The following MOB1B variants were observed in gnomAD, a reference collection of about 807,000 sequenced individuals.
MOB1B encodes the protein MOB1 Mps One Binder homolog B.
A neutral mutation model predicts 24.4 loss-of-function variants in MOB1B; 19 were observed. The observed-to-expected ratio is 0.78, with a 90% CI of 0.54 to 1.14. The LOEUF is 1.14. Among genes scored for constraint, MOB1B ranks in the 50% most tolerant of loss-of-function variants. MOB1B has a pLI of 0.00. For missense variants in MOB1B, 243 were observed against 259.6 expected (o/e 0.94, Z 0.44); for synonymous variants, 76 against 82.1 (o/e 0.93, Z 0.40).
chr4:70,987,013 A>C lies in MOB1B; in HGVS notation c.*4956A>C, dbSNP rs1246989835. On this transcript the variant is annotated 3_prime_UTR_variant, in exon 6 of 6. Coordinates refer to ENST00000309395, the MANE Select transcript of MOB1B (RefSeq NM_173468.4). Reference sequence around the variant, plus strand: ...GCATATAGAACTAAATAATTGAAAAATATGGGCTATAGTTCTCAAAGGTAG... The same window carrying C: ...GCATATAGAACTAAATAATTGAAAACTATGGGCTATAGTTCTCAAAGGTAG... 1 of 152,188 alleles carries C rather than the reference A, an allele frequency of 6.6e-6. No individual in the cohort carries two copies. The highest frequency in any genetic ancestry group is 1.5e-5 in the Non-Finnish European group (1 of 67,984). The allele number at this position is 152,188 out of a possible 1,614,324, so 9.4% of individuals were successfully genotyped here.
At position 70,965,872 on chromosome 4, in the gene MOB1B, T is replaced by C. The variant is rs377743643; in HGVS notation, c.182-4059T>C. 8.2e-4 allele frequency among the ~76,000 whole-genome samples: 123 copies of C among 150,916 alleles called. 1 individual carries two copies. The South Asian group carries it at 0.025, about 31-fold the overall frequency. ...AAGTTATAAATTTATCCCAATAAAT[T>C]TGAAAATTTAATTGAAATAACCTAA... is the stretch of plus-strand genomic sequence containing the variant. On this transcript the variant is annotated intron_variant, in intron 2 of 5. Coordinates refer to ENST00000309395, the MANE Select transcript of MOB1B (RefSeq NM_173468.4).
chr4:70,905,083 G>A (rs1399564074), intron 1 of MOB1B, among the ~76,000 whole-genome samples: 1 of 152,112 alleles, frequency 6.6e-6, no homozygotes, highest in African/African-American at 2.4e-5. Context: ...TTGACAATCA[G>A]AAAAGTTAAT....
At chr4:70,915,147 T>C (rs893692264) in intron 1 of MOB1B, among the ~76,000 whole-genome samples, 2 of 152,254 alleles carry the variant, frequency 1.3e-5, no homozygotes, top group Non-Finnish European at 2.9e-5. Context: ...TTATTTAAAT[T>C]GTAGCCAATT....
chr4:70,917,227 G>C (rs1229114234), intron 1 of MOB1B, among the ~76,000 whole-genome samples: 5 of 152,070 alleles, frequency 3.3e-5, no homozygotes, highest in African/African-American at 1.2e-4. Context: ...GTACCATTAA[G>C]GTTTCTTACC....
intron 1 of MOB1B, 86 bp downstream of exon 1, chr4:70,902,636 G>T: frequency 8.6e-7 from 1 of 1,162,862 alleles, no homozygotes; most frequent in Non-Finnish European, 1.1e-6. Context: ...GCCCGCCCTC[G>T]TCCCGACCCT....
intron 1 of MOB1B, among the ~76,000 whole-genome samples, chr4:70,938,983 G>T (rs982166240): frequency 6.6e-6 from 1 of 152,114 alleles, no homozygotes. Context: ...ACTGAGCCTG[G>T]CCCCTTGCAG....
At chr4:70,980,166 C>T (rs1242963144) in intron 5 of MOB1B, among the ~76,000 whole-genome samples, 1 of 152,180 alleles carries the variant, frequency 6.6e-6, no homozygotes, top group Admixed American at 6.5e-5. Context: ...GTACACACTC[C>T]TCACACTGAA....
intron 1 of MOB1B, among the ~76,000 whole-genome samples, chr4:70,910,052 T>C (rs1735916748): frequency 6.6e-6 from 1 of 150,846 alleles, no homozygotes; most frequent in African/African-American, 2.4e-5. Flanking sequence ...CCGGCCTTTT[T>C]TTTTTGGAGA....
In MOB1B at chr4:70,902,470, T is replaced by C; in HGVS notation, c.-67T>C. On this transcript the variant is annotated 5_prime_UTR_variant, in exon 1 of 6. Transcript: ENST00000309395. ...CTCCTGTTCCATTCGCCTTTCCTCT[T>C]CTTTCCTGGCCCACGCCGCTCCGAG... 6.5e-7 allele frequency: 1 copy of C among 1,534,504 alleles called. No individual in the cohort carries two copies. The highest frequency in any genetic ancestry group is 8.8e-7 in the Non-Finnish European group (1 of 1,132,210).
At chr4:70,960,904 T>C (rs1338966329) in intron 2 of MOB1B, among the ~76,000 whole-genome samples, 1 of 152,228 alleles carries the variant, frequency 6.6e-6, no homozygotes, top group Admixed American at 6.5e-5. Context: ...GTCTGACTTT[T>C]AAATATAAAA....
At chr4:70,956,930 C>T (rs184694607) in intron 1 of MOB1B, among the ~76,000 whole-genome samples, 23 of 152,120 alleles carry the variant, frequency 1.5e-4, no homozygotes, top group Admixed American at 3.3e-4. Context: ...TTTCAAGATC[C>T]TCAGTACTTT....
intron 1 of MOB1B, among the ~76,000 whole-genome samples, chr4:70,927,773 A>G (rs1736711333): frequency 6.6e-6 from 1 of 151,884 alleles, no homozygotes; most frequent in Non-Finnish European, 1.5e-5. Flanking sequence ...CCTTCGGTGC[A>G]CTCGCTTCCT....
chr4:70,979,238 C>G lies in MOB1B; in HGVS notation c.520C>G (p.Gln174Glu). Residue 174 changes from glutamine to glutamate, a missense_variant, in exon 5 of 6, where the codon CAG (glutamine) becomes GAG (glutamate). Transcript: ENST00000309395. ...GCATTTTGACCCTGTGATCCAGCTT[C>G]AGGAGGAAGCACATCTAAATACATC... is the stretch of plus-strand genomic sequence containing the variant. ...HQHFDPVIQL[Q>E]EEAHLNTSFK... 1 of 1,613,890 alleles carries G rather than the reference C, an allele frequency of 6.2e-7. No homozygotes were observed. Among genetic ancestry groups the G allele is most frequent in the Non-Finnish European group, 8.5e-7 (1 of 1,179,878 alleles).
At position 70,958,702 on chromosome 4, in the gene MOB1B, C is replaced by G. The variant is rs117498889; in HGVS notation, c.15-172C>G. 610 of 781,934 alleles carry G rather than the reference C, an allele frequency of 7.8e-4. 6 individuals are homozygous for G. The East Asian group carries it at 0.015, about 20-fold the overall frequency. 48.4% of individuals were successfully genotyped at this position (781,934 alleles called of 1,614,324 possible). Reference sequence around the variant, plus strand: ...AAAAATTTTTCTTTTTGTGAGTTAACTAGACACAGCAGAGAAAGTTTGTAG... The same window carrying G: ...AAAAATTTTTCTTTTTGTGAGTTAAGTAGACACAGCAGAGAAAGTTTGTAG... On this transcript the variant is annotated intron_variant, in intron 1 of 5. Transcript: ENST00000309395.
chr4:70,942,639 A>G (rs1469815490), intron 1 of MOB1B, among the ~76,000 whole-genome samples: 1 of 152,206 alleles, frequency 6.6e-6, no homozygotes. Flanking sequence ...TATCTAAAAG[A>G]TATGTCTATA....
intron 1 of MOB1B, among the ~76,000 whole-genome samples, chr4:70,952,419 G>A (rs988241561): frequency 2.0e-5 from 3 of 151,616 alleles, no homozygotes; most frequent in South Asian, 2.1e-4. Flanking sequence ...CGAGGTGGGC[G>A]GATCACGAGG....
intron 5 of MOB1B, 134 bp downstream of exon 5, chr4:70,979,425 C>G (rs1293604104): frequency 1.6e-6 from 1 of 624,518 alleles, no homozygotes; most frequent in Admixed American, 2.9e-5. Flanking sequence ...CTACAGTTTT[C>G]CATGATGATA....
chr4:70,926,823 C>T (rs544518812), intron 1 of MOB1B, among the ~76,000 whole-genome samples: 4 of 151,608 alleles, frequency 2.6e-5, no homozygotes, highest in South Asian at 2.1e-4. Context: ...GGTGAAACCC[C>T]GTCTCTACTA....
intron 1 of MOB1B, chr4:70,950,859 TTAACA>T (rs1356474077): frequency 1.9e-6 from 2 of 1,063,594 alleles, no homozygotes; most frequent in Admixed American, 4.0e-5. Context: ...AGTGAAGTTC[TTAACA>T]TAAGTTTCAG....
Sources: allele counts gnomAD v4.1 joint callset (sites outside exome capture counted in the v4.1 genomes callset), GRCh38; gene constraint gnomAD v4.1.1; transcripts MANE v1.5; gene names NCBI Gene and HGNC (gene_info 2026-07-23, HGNC 2026-07-21).